The following ADORA1 variants were observed in gnomAD, a reference collection of about 807,000 sequenced individuals.
ADORA1 encodes the protein adenosine receptor A1.
Under a neutral mutation model 19.9 loss-of-function variants are expected in ADORA1, and 6 were observed. That is an observed-to-expected ratio of 0.30 (90% confidence interval 0.17 to 0.59). The LOEUF is 0.59. Ranked by LOEUF, ADORA1 falls within the 20% of genes least tolerant of loss-of-function variation. ADORA1 has a pLI of 0.87. For synonymous variants in ADORA1, 194 were observed against 188.4 expected, an observed-to-expected ratio of 1.03 and a Z score of -0.24; for missense variants, 302 against 439.2, an observed-to-expected ratio of 0.69 and a Z score of 2.79.
In ADORA1 at chr1:203,128,293, C is replaced by T; in HGVS notation, c.-197C>T. Reference sequence around the variant, plus strand: ...TGCTTGAAAGGCCGGGCTGGGAGCGCTGCGGCGGGAGCCGGAGGACTATGA... The same window carrying T: ...TGCTTGAAAGGCCGGGCTGGGAGCGTTGCGGCGGGAGCCGGAGGACTATGA... On this transcript the variant is annotated 5_prime_UTR_variant, in exon 2 of 4. Transcript: ENST00000337894. The surrounding 1 kb of genome is among the most constrained non-coding windows in gnomAD (Gnocchi z 5.9). The T allele has an allele frequency of 1.6e-6, 2 of 1,273,988 alleles. No individual in the cohort carries two copies. The highest frequency in any genetic ancestry group is 2.0e-6 in the Non-Finnish European group (2 of 977,414). The allele number at this position is 1,273,988 out of a possible 1,614,324, so 78.9% of individuals were successfully genotyped here.
At chr1:203,146,239 T>G (rs6698262) in intron 3 of ADORA1, among the ~76,000 whole-genome samples, 108,500 of 152,128 alleles carry the variant, frequency 0.71, 41,019 homozygotes, top group Non-Finnish European at 0.85. Context: ...TGGTAGCAGA[T>G]TTAATTTTAT....
intron 3 of ADORA1, among the ~76,000 whole-genome samples, chr1:203,154,527 C>T (rs1194220073): frequency 3.3e-5 from 5 of 152,082 alleles, no homozygotes; most frequent in African/African-American, 9.7e-5. Context: ...GCGGTGATCC[C>T]GGAGCCCAGG....
At position 203,128,957 on chromosome 1, in the gene ADORA1, C is replaced by T. The variant is rs146812291; in HGVS notation, c.116C>T (p.Ala39Val). The part of the protein sequence containing the change: ...LVIWAVKVNQ[A>V]LRDATFCFIV... ...ATCTGGGCGGTGAAGGTGAACCAGGCGCTGCGGGATGCCACCTTCTGCTTC... is the reference window on the plus strand; with the variant it reads ...ATCTGGGCGGTGAAGGTGAACCAGGTGCTGCGGGATGCCACCTTCTGCTTC... The change falls in exon 3 of 4, where the codon GCG becomes GTG. Residue 39 changes from alanine to valine, a missense_variant. Physicochemically the swap from Ala to Val is moderately conservative, Grantham distance 64. Transcript: ENST00000337894. This position sits in a 1 kb window ranked among gnomAD's most constrained non-coding sequence, Gnocchi z 5.9. The T allele has an allele frequency of 1.4e-4, 218 of 1,614,094 alleles. No individual in the cohort carries two copies. Among genetic ancestry groups the T allele is most frequent in the Middle Eastern group, 1.6e-4 (1 of 6,062 alleles).
chr1:203,133,302 A>T (rs1654400966), intron 3 of ADORA1, among the ~76,000 whole-genome samples: 1 of 152,080 alleles, frequency 6.6e-6, no homozygotes, highest in African/African-American at 2.4e-5. Flanking sequence ...TTTAGTAGAG[A>T]TGGGGTTTCA....
chr1:203,144,185 C>A (rs1162333856), intron 3 of ADORA1, among the ~76,000 whole-genome samples: 1 of 152,018 alleles, frequency 6.6e-6, no homozygotes. Flanking sequence ...ATGACACCTC[C>A]CCCAGGAAGC....
chr1:203,156,201 A>G (rs1241556515), intron 3 of ADORA1, among the ~76,000 whole-genome samples: 1 of 152,172 alleles, frequency 6.6e-6, no homozygotes, highest in Non-Finnish European at 1.5e-5. Context: ...TAATAAATGT[A>G]TAGATAGATA....
intron 3 of ADORA1, among the ~76,000 whole-genome samples, chr1:203,163,211 G>A (rs910545557): frequency 1.1e-4 from 17 of 152,316 alleles, no homozygotes; most frequent in African/African-American, 4.1e-4. Context: ...GCTTGGAGGG[G>A]TAAGAAGAGC....
chr1:203,160,644 T>C (rs1464803168), intron 3 of ADORA1, among the ~76,000 whole-genome samples: 2 of 152,062 alleles, frequency 1.3e-5, no homozygotes, highest in Non-Finnish European at 2.9e-5. Context: ...GAGACCCCCA[T>C]CTCTACAAAA....
At position 203,156,385 on chromosome 1, in the gene ADORA1, C is replaced by T. The variant is rs114155767; in HGVS notation, c.342-8876C>T. ...ACATCTGAGTGGAGACCTGAATGAA[C>T]GGAGAATGAACCTTCCCAGACATTT... On this transcript the variant is annotated intron_variant, in intron 3 of 3. Transcript: ENST00000337894. Among the ~76,000 whole-genome samples the T allele has an allele frequency of 2.8e-3, 433 of 152,146 alleles. 2 individuals are homozygous for T. Among genetic ancestry groups the T allele is most frequent in the African/African-American group, 9.6e-3 (399 of 41,500 alleles).
chr1:203,164,715 A>G (rs992967122), intron 3 of ADORA1, among the ~76,000 whole-genome samples: 7 of 152,162 alleles, frequency 4.6e-5, no homozygotes, highest in Admixed American at 1.3e-4. Flanking sequence ...TGCTGGCCCA[A>G]GAGAAGGGAT....
intron 3 of ADORA1, among the ~76,000 whole-genome samples, chr1:203,153,083 C>T (rs1371015763): frequency 2.0e-5 from 3 of 152,148 alleles, no homozygotes; most frequent in East Asian, 1.9e-4. Context: ...GGGATGAGAA[C>T]GCCCACCCAG....
chr1:203,141,500 G>T (rs1654688851), intron 3 of ADORA1, among the ~76,000 whole-genome samples: 1 of 151,602 alleles, frequency 6.6e-6, no homozygotes, highest in Non-Finnish European at 1.5e-5. Context: ...CTGCTGGAAT[G>T]GTACCTCACC....
At chr1:203,135,774 T>A (rs1654485967) in intron 3 of ADORA1, among the ~76,000 whole-genome samples, 1 of 152,110 alleles carries the variant, frequency 6.6e-6, no homozygotes, top group South Asian at 2.1e-4. Context: ...CAGTAAATAG[T>A]GTAGGTGCTA....
chr1:203,148,416 C>T (rs952032305), intron 3 of ADORA1, among the ~76,000 whole-genome samples: 3 of 152,298 alleles, frequency 2.0e-5, no homozygotes, highest in East Asian at 3.9e-4. Context: ...ACATCACGGG[C>T]GGAGCAATCG....
chr1:203,141,909 C>T (rs1309781173), intron 3 of ADORA1, among the ~76,000 whole-genome samples: 2 of 152,094 alleles, frequency 1.3e-5, no homozygotes, highest in Admixed American at 6.5e-5. Flanking sequence ...AATGATCCCC[C>T]TTTCCAAGAG....
In ADORA1 at chr1:203,128,812, G is replaced by A. The variant is rs1257891412; in HGVS notation, c.-30G>A. On this transcript the variant is annotated 5_prime_UTR_variant, in exon 3 of 4. Transcript: ENST00000337894. This position sits in a 1 kb window ranked among gnomAD's most constrained non-coding sequence, Gnocchi z 5.9. ...GCTTGCCTCGTGCCCCTTGGTGCCC[G>A]TCTGCTGATGTGCCCAGCCTGTGCC... 1.3e-6 allele frequency: 2 copies of A among 1,560,806 alleles called. No individual in the cohort carries two copies. The highest frequency in any genetic ancestry group is 1.3e-5 in the African/African-American group (1 of 74,278).
chr1:203,140,397 C>A (rs185803007), intron 3 of ADORA1, among the ~76,000 whole-genome samples: 1 of 152,122 alleles, frequency 6.6e-6, no homozygotes, highest in Non-Finnish European at 1.5e-5. Context: ...TCCGGGCTTA[C>A]GGCTTAAGCC....
In ADORA1 at chr1:203,136,613, G is replaced by A. The variant is rs529816023; in HGVS notation, c.341+7431G>A. 2.0e-5 allele frequency among the ~76,000 whole-genome samples: 3 copies of A among 152,284 alleles called. No homozygotes were observed. In the East Asian group the frequency reaches 5.8e-4, roughly 29 times the overall value. On this transcript the variant is annotated intron_variant, in intron 3 of 3. Coordinates refer to ENST00000337894, the MANE Select transcript of ADORA1 (RefSeq NM_000674.3). ...TGATGGATTCCCACAGACCAAGGTG[G>A]CCAAGGAGAAACTCTCACCCCACCT...
rs564412568 is a variant in ADORA1 at position 203,165,363 on chromosome 1, T to C, written c.444T>C (p.Asn148=). 2 of 1,592,488 alleles carry C rather than the reference T, an allele frequency of 1.3e-6. No homozygotes were observed. Among genetic ancestry groups the C allele is most frequent in the South Asian group, 2.3e-5 (2 of 86,294 alleles). ...TGACCCCTATGTTTGGCTGGAACAA[T>C]CTGAGTGCGGTGGAGCGGGCCTGGG... ...VGLTPMFGWN[N]LSAVERAWAA... The change falls in exon 4 of 4, where the codon AAT becomes AAC. Residue 148 remains asparagine (N), a synonymous_variant. Transcript: ENST00000337894. This position sits in a 1 kb window ranked among gnomAD's most constrained non-coding sequence, Gnocchi z 5.9.
Sources: allele counts gnomAD v4.1 joint callset (sites outside exome capture counted in the v4.1 genomes callset), GRCh38; gene constraint gnomAD v4.1.1; non-coding constraint Gnocchi (gnomAD v3.1); transcripts MANE v1.5; gene names NCBI Gene and HGNC (gene_info 2026-07-23, HGNC 2026-07-21).